RUNX3: variants seen among roughly 807,000 people sequenced by gnomAD.
RUNX3 encodes the protein runt-related transcription factor 3.
A neutral mutation model predicts 27.7 loss-of-function variants in RUNX3; 10 were observed. The observed-to-expected ratio is 0.36, with a 90% CI of 0.22 to 0.61. The LOEUF is 0.61. Ranked by LOEUF, RUNX3 falls within the 20% of genes least tolerant of loss-of-function variation. RUNX3 has a pLI of 0.72. For synonymous variants in RUNX3, 270 were observed against 269.2 expected (o/e 1.00, Z -0.03); for missense variants, 469 against 629.5 (o/e 0.75, Z 2.73).
At chr1:24,928,306 G>T (rs937444198) in intron 1 of RUNX3, among the ~76,000 whole-genome samples, 5 of 152,180 alleles carry the variant, frequency 3.3e-5, no homozygotes, top group African/African-American at 1.2e-4. Flanking sequence ...TTTGAAAAAG[G>T]CCACCAGAAA....
At chr1:24,958,062 C>G (rs1224147433) in intron 2 of RUNX3, among the ~76,000 whole-genome samples, 1 of 152,212 alleles carries the variant, frequency 6.6e-6, no homozygotes, top group Non-Finnish European at 1.5e-5. Flanking sequence ...GTGGAAACAT[C>G]TGTTGAGTGG....
rs1290649303 is a variant in RUNX3 at position 24,929,468 on chromosome 1, G to A, written c.282+119C>T. The A allele has an allele frequency of 5.7e-6, 6 of 1,044,748 alleles. No homozygotes were observed. The East Asian group carries it at 1.3e-4, about 23-fold the overall frequency. The allele number at this position is 1,044,748 out of a possible 1,614,324, so 64.7% of individuals were successfully genotyped here. A position where few individuals can be genotyped will look rare whatever the true frequency, so the allele number is the denominator to read the frequency against. On this transcript the variant is annotated intron_variant, in intron 1 of 4. Transcript: ENST00000308873. ...CAGCCAGACTGAACCGGGTGCCCGG[G>A]TGTCGCCGCGGCGTCTCGGGCACCT...
At chr1:24,956,654 T>A (rs1223177427) in intron 2 of RUNX3, among the ~76,000 whole-genome samples, 1 of 152,150 alleles carries the variant, frequency 6.6e-6, no homozygotes, top group Non-Finnish European at 1.5e-5. Context: ...CCTCCCCTCC[T>A]GCCCCTGCTT....
At chr1:24,950,052 T>C (rs1469131564) in intron 2 of RUNX3, among the ~76,000 whole-genome samples, 1 of 152,258 alleles carries the variant, frequency 6.6e-6, no homozygotes, top group African/African-American at 2.4e-5. Flanking sequence ...CCCCGATGCC[T>C]GCACTGTATT....
upstream of RUNX3, among the ~76,000 whole-genome samples, chr1:24,932,866 G>C (rs1488376394): frequency 6.6e-6 from 1 of 152,094 alleles, no homozygotes; most frequent in African/African-American, 2.4e-5. Flanking sequence ...CTCCCCAGTG[G>C]CCCCCACCTA....
chr1:24,938,243 G>T (rs1373957257), intron 2 of RUNX3, among the ~76,000 whole-genome samples: 1 of 152,204 alleles, frequency 6.6e-6, no homozygotes, highest in Non-Finnish European at 1.5e-5. Context: ...CCCCTTCAGG[G>T]AGATAAATGC....
chr1:24,963,010 A>G (rs1051039003), intron 2 of RUNX3: 4 of 152,210 alleles, frequency 2.6e-5, no homozygotes, highest in Non-Finnish European at 4.4e-5. Flanking sequence ...CTACAAAGGG[A>G]ACAACGTTAT....
chr1:24,950,800 A>G (rs932408357), intron 2 of RUNX3, among the ~76,000 whole-genome samples: 1 of 152,188 alleles, frequency 6.6e-6, no homozygotes, highest in Non-Finnish European at 1.5e-5. Context: ...AGGCCTGGGC[A>G]TGACCCTGGA....
At chr1:24,939,196 TGCACACACACAC>T (rs1408034616) in intron 2 of RUNX3, among the ~76,000 whole-genome samples, 1 of 151,894 alleles carries the variant, frequency 6.6e-6, no homozygotes, top group Non-Finnish European at 1.5e-5. Context: ...GCACGCAGAG[TGCACACACACAC>T]GCACACACAT....
At chr1:24,961,037 T>G (rs1225802580) in intron 2 of RUNX3, among the ~76,000 whole-genome samples, 1 of 152,184 alleles carries the variant, frequency 6.6e-6, no homozygotes, top group African/African-American at 2.4e-5. Flanking sequence ...TCTCACCTCC[T>G]GCTCACGCCT....
In RUNX3 at chr1:24,900,582, C is replaced by T. The variant is rs980748883; in HGVS notation, c.*1540G>A. On this transcript the variant is annotated 3_prime_UTR_variant, in exon 5 of 5. Coordinates refer to ENST00000308873, the MANE Select transcript of RUNX3 (RefSeq NM_004350.3). ...TGCAAAATTCAGGGGCAAGACTTCA[C>T]CTCGGAACGCAGTGCAGCTGAGCTG... is the stretch of plus-strand genomic sequence containing the variant. 2 of 152,428 alleles carry T rather than the reference C, an allele frequency of 1.3e-5. No individual in the cohort carries two copies. The highest frequency in any genetic ancestry group is 4.8e-5 in the African/African-American group (2 of 41,464). 9.4% of individuals were successfully genotyped at this position (152,428 alleles called of 1,614,324 possible).
intron 2 of RUNX3, among the ~76,000 whole-genome samples, chr1:24,955,256 C>G (rs960386114): frequency 5.3e-5 from 8 of 152,074 alleles, no homozygotes; most frequent in Non-Finnish European, 1.2e-4. Context: ...TTAGAGGTAT[C>G]GGGGAGGGCT....
At chr1:24,957,764 C>T (rs961500252) in intron 2 of RUNX3, among the ~76,000 whole-genome samples, 2 of 152,226 alleles carry the variant, frequency 1.3e-5, no homozygotes, top group Admixed American at 6.5e-5. Context: ...ACCCAACATG[C>T]CTTGAGGGGG....
intron 2 of RUNX3, among the ~76,000 whole-genome samples, chr1:24,957,651 A>G (rs1641976919): frequency 6.6e-6 from 1 of 152,210 alleles, no homozygotes; most frequent in Non-Finnish European, 1.5e-5. Context: ...GCTTTTGCAG[A>G]GGAGGAGGAA....
chr1:24,964,818 GTAAGTTTCTGTT>G (rs1642217827), intron 1 of RUNX3: 1 of 1,006,940 alleles, frequency 9.9e-7, no homozygotes, highest in Non-Finnish European at 1.4e-6. Flanking sequence ...CCCAAGGAAA[GTAAGTTTCTGTT>G]TGTACCCAAG....
At chr1:24,917,167 TCCCTCTTTCTGGAGTGGCTC>T (rs1317160193) in intron 3 of RUNX3, among the ~76,000 whole-genome samples, 6 of 152,098 alleles carry the variant, frequency 3.9e-5, no homozygotes, top group Non-Finnish European at 7.4e-5. Flanking sequence ...GTCCCGTGCC[TCCCTCTTTCTGGAGTGGCTC>T]CCCTCTTTCT....
At chr1:24,948,099 C>A (rs1158821763) in intron 2 of RUNX3, among the ~76,000 whole-genome samples, 2 of 152,224 alleles carry the variant, frequency 1.3e-5, no homozygotes, top group South Asian at 2.1e-4. Context: ...TTCCTGGAGG[C>A]CTCAGCCCTC....
At chr1:24,949,403 C>T (rs1641701234) in intron 2 of RUNX3, among the ~76,000 whole-genome samples, 1 of 152,190 alleles carries the variant, frequency 6.6e-6, no homozygotes, top group African/African-American at 2.4e-5. Context: ...TTTATTCATT[C>T]CTCCAGGAGC....
chr1:24,941,249 A>G (rs1279086843), intron 2 of RUNX3, among the ~76,000 whole-genome samples: 2 of 152,154 alleles, frequency 1.3e-5, no homozygotes, highest in Non-Finnish European at 2.9e-5. Flanking sequence ...GCCGACCAGT[A>G]GCCCTTCAGG....
Sources: gnomAD v4.1 joint callset for allele counts (sites outside exome capture counted in the v4.1 genomes callset) on GRCh38, gnomAD v4.1.1 for gene constraint, MANE v1.5 for transcripts, NCBI Gene and HGNC (gene_info 2026-07-23, HGNC 2026-07-21) for gene names.